SF3A1: variants seen among roughly 807,000 people sequenced by gnomAD.
The protein encoded by SF3A1 is SAP 114.
A neutral mutation model predicts 89.9 loss-of-function variants in SF3A1; 13 were observed. That is an observed-to-expected ratio of 0.14 (90% CI 0.09 to 0.23). The LOEUF (loss-of-function observed/expected upper bound fraction) is 0.23. Ranked by LOEUF, SF3A1 falls within the 10% of genes least tolerant of loss-of-function variation. The pLI is 1.00. For missense variants in SF3A1, 604 were observed against 1,022.1 expected (o/e 0.59, Z 5.58); for synonymous variants, 405 against 374.4 (o/e 1.08, Z -0.94).
intron 4 of SF3A1, among the ~76,000 whole-genome samples, chr22:30,344,637 A>G (rs1931362890): frequency 6.6e-6 from 1 of 152,248 alleles, no homozygotes; most frequent in Non-Finnish European, 1.5e-5. Flanking sequence ...CTGAAAACGG[A>G]AATGCACTTA....
Position 30,338,984 on chromosome 22 carries a change from G to T in SF3A1, c.1548C>A (p.Ala516=). 6.2e-7 allele frequency: 1 copy of T among 1,614,172 alleles called. No individual in the cohort carries two copies. Among genetic ancestry groups the T allele is most frequent in the Non-Finnish European group, 8.5e-7 (1 of 1,180,038 alleles). The change falls in exon 11 of 16, where the codon GCC becomes GCA. Residue 516 remains alanine, a synonymous_variant. Transcript: ENST00000215793. ...SGSMARTQQA[A]QANITLQEQI... ...GCTCCTGGAGGGTGATGTTGGCCTG[G>T]GCAGCCTGCTGGGTCCGGGCCATGC...
intron 1 of SF3A1, among the ~76,000 whole-genome samples, chr22:30,354,219 C>T (rs539869846): frequency 1.3e-5 from 2 of 152,222 alleles, no homozygotes; most frequent in East Asian, 1.9e-4. Context: ...TCTTTTCTGC[C>T]GCTGCCTTCT....
intron 7 of SF3A1, among the ~76,000 whole-genome samples, chr22:30,341,461 CACAGA>C (rs1931251255): frequency 6.6e-6 from 1 of 152,194 alleles, no homozygotes; most frequent in South Asian, 2.1e-4. Context: ...GGGAGGCGGC[CACAGA>C]ACAGGTCAGC....
At chr22:30,339,912 G>T (rs1029626805) in intron 9 of SF3A1, among the ~76,000 whole-genome samples, 1 of 152,210 alleles carries the variant, frequency 6.6e-6, no homozygotes. Flanking sequence ...TGGTACTCCA[G>T]CCATCAATGC....
intron 15 of SF3A1, among the ~76,000 whole-genome samples, chr22:30,335,194 C>T (rs543402940): frequency 6.6e-6 from 1 of 152,290 alleles, no homozygotes; most frequent in South Asian, 2.1e-4. Flanking sequence ...CAGAGCATGC[C>T]TAAGTCTTGT....
At chr22:30,341,600 A>T in intron 7 of SF3A1, 92 bp downstream of exon 7, 1 of 727,772 alleles carries the variant, frequency 1.4e-6, no homozygotes, top group Non-Finnish European at 2.1e-6. Flanking sequence ...TTCAAGGCTC[A>T]CAGGGGAGCT....
chr22:30,356,698 C>A, intron 1 of SF3A1, 32 bp downstream of exon 1: 1 of 1,447,732 alleles, frequency 6.9e-7, no homozygotes, highest in African/African-American at 1.5e-5. Flanking sequence ...GCCAACCCTC[C>A]GGCTGCAGGC....
At chr22:30,344,535 G>A (rs1931359715) in intron 4 of SF3A1, among the ~76,000 whole-genome samples, 1 of 152,120 alleles carries the variant, frequency 6.6e-6, no homozygotes, top group Admixed American at 6.6e-5. Context: ...AAACATGGGG[G>A]GAAAACACCT....
chr22:30,346,128 G>C (rs1290209042), intron 3 of SF3A1, 184 bp downstream of exon 3: 2 of 595,268 alleles, frequency 3.4e-6, no homozygotes, highest in Admixed American at 3.0e-5. Context: ...AGCAGTGCTC[G>C]GGAAATGCCA....
At chr22:30,339,943 G>A (rs971890441) in intron 9 of SF3A1, among the ~76,000 whole-genome samples, 3 of 152,200 alleles carry the variant, frequency 2.0e-5, no homozygotes, top group Non-Finnish European at 4.4e-5. Context: ...AACAGCCACA[G>A]GAAGCCCTTC....
At chr22:30,338,505 G>C (rs1187444857) in intron 11 of SF3A1, among the ~76,000 whole-genome samples, 2 of 150,592 alleles carry the variant, frequency 1.3e-5, no homozygotes, top group Non-Finnish European at 2.9e-5. Flanking sequence ...GTCTCTCCTG[G>C]AGACAAGCCA....
intron 1 of SF3A1, among the ~76,000 whole-genome samples, chr22:30,354,220 G>T (rs67401267): frequency 0.088 from 13,346 of 152,110 alleles, 780 homozygotes; most frequent in Middle Eastern, 0.14. Flanking sequence ...CTTTTCTGCC[G>T]CTGCCTTCTC....
At chr22:30,354,999 T>C (rs565284235) in intron 1 of SF3A1, among the ~76,000 whole-genome samples, 18 of 152,308 alleles carry the variant, frequency 1.2e-4, no homozygotes, top group Admixed American at 2.0e-4. Context: ...TTAACTCTTA[T>C]AACCTTTAGA....
chr22:30,353,155 A>C, intron 1 of SF3A1, 83 bp from the exon 2 acceptor site: 26 of 1,516,406 alleles, frequency 1.7e-5, no homozygotes, highest in East Asian at 2.3e-5. Flanking sequence ...CTAGGATATC[A>C]TTCAGAGTAG....
intron 2 of SF3A1, among the ~76,000 whole-genome samples, chr22:30,347,096 A>G (rs1931444400): frequency 6.6e-6 from 1 of 152,144 alleles, no homozygotes; most frequent in African/African-American, 2.4e-5. Context: ...AGTTGATTTG[A>G]GCCTGGGCAA....
At chr22:30,353,748 G>A (rs1302148656) in intron 1 of SF3A1, among the ~76,000 whole-genome samples, 3 of 152,146 alleles carry the variant, frequency 2.0e-5, no homozygotes, top group Non-Finnish European at 2.9e-5. Flanking sequence ...ACACGAGTCT[G>A]CCGACGCTCC....
chr22:30,338,717 T>A, intron 11 of SF3A1, 72 bp downstream of exon 11: 1 of 1,599,954 alleles, frequency 6.3e-7, no homozygotes. Flanking sequence ...CAGCTGCACT[T>A]CTCAGCCAAC....
At chr22:30,344,019 A>C (rs78611034) in intron 4 of SF3A1, among the ~76,000 whole-genome samples, 201 of 152,364 alleles carry the variant, frequency 1.3e-3, no homozygotes, top group African/African-American at 4.8e-3. Flanking sequence ...AGCAAGAAAA[A>C]TGTGCCACAG....
chr22:30,353,700 G>A (rs1240623903), intron 1 of SF3A1, among the ~76,000 whole-genome samples: 11 of 152,116 alleles, frequency 7.2e-5, no homozygotes. Context: ...CCCTTTAAAG[G>A]GCTAGGAATT....
Sources: allele counts gnomAD v4.1 joint callset (sites outside exome capture counted in the v4.1 genomes callset), GRCh38; gene constraint gnomAD v4.1.1; transcripts MANE v1.5; gene names NCBI Gene and HGNC (gene_info 2026-07-23, HGNC 2026-07-21).